The following ATP10A variants were observed in gnomAD, a reference collection of about 807,000 sequenced individuals.
ATP10A encodes the protein phospholipid-transporting ATPase VA.
Under a neutral mutation model 147.8 loss-of-function variants are expected in ATP10A, and 111 were observed. The ratio of observed to expected loss-of-function variants is 0.75; its 90% CI spans 0.64 to 0.88. The LOEUF is 0.88. Ranked by LOEUF, ATP10A falls within the 40% of genes least tolerant of loss-of-function variation. The probability of loss-of-function intolerance (pLI) is 0.00; values close to 1 mark genes in which losing one functional copy is unlikely to be tolerated. For synonymous variants in ATP10A, 875 were observed against 841.6 expected, an observed-to-expected ratio of 1.04 and a Z score of -0.69; for missense variants, 1,927 against 1,959.0, an observed-to-expected ratio of 0.98 and a Z score of 0.31.
chr15:25,725,160 T>C (rs1431926215), intron 5 of ATP10A, among the ~76,000 whole-genome samples: 1 of 152,106 alleles, frequency 6.6e-6, no homozygotes, highest in African/African-American at 2.4e-5. Flanking sequence ...CTATTGTGAA[T>C]TGTGCATGGG....
At chr15:25,806,163 C>T (rs908462430) in intron 1 of ATP10A, among the ~76,000 whole-genome samples, 4 of 152,068 alleles carry the variant, frequency 2.6e-5, no homozygotes, top group African/African-American at 4.8e-5. Flanking sequence ...CCTCCCCTTC[C>T]ACCTCCTCCA....
At chr15:25,738,284 CA>C (rs1049848649) in intron 2 of ATP10A, among the ~76,000 whole-genome samples, 13 of 152,138 alleles carry the variant, frequency 8.5e-5, no homozygotes, top group African/African-American at 2.7e-4. Context: ...GGAGCATGGA[CA>C]AAAGTAGAGG....
intron 2 of ATP10A, among the ~76,000 whole-genome samples, chr15:25,776,341 G>A (rs1396010866): frequency 6.6e-6 from 1 of 152,164 alleles, no homozygotes; most frequent in Non-Finnish European, 1.5e-5. Flanking sequence ...GGTGGGGGAG[G>A]GGAGGCACCT....
chr15:25,702,248 G>C (rs1449012995), intron 12 of ATP10A, 148 bp from the exon 13 acceptor site: 2 of 772,288 alleles, frequency 2.6e-6, no homozygotes, highest in East Asian at 5.5e-5. Flanking sequence ...TGGGCTGCCA[G>C]TTGTCTGCCA....
chr15:25,794,428 T>G (rs1294397995), intron 1 of ATP10A, among the ~76,000 whole-genome samples: 2 of 152,246 alleles, frequency 1.3e-5, no homozygotes, highest in African/African-American at 4.8e-5. Flanking sequence ...ATAACATATT[T>G]ACTGCAAATA....
At chr15:25,715,776 C>A (rs974352429) in intron 9 of ATP10A, among the ~76,000 whole-genome samples, 1 of 152,190 alleles carries the variant, frequency 6.6e-6, no homozygotes, top group Non-Finnish European at 1.5e-5. Flanking sequence ...ACCTTGTTCA[C>A]CCCACATCGC....
At chr15:25,799,169 A>G (rs1004632282) in intron 1 of ATP10A, among the ~76,000 whole-genome samples, 11 of 152,200 alleles carry the variant, frequency 7.2e-5, no homozygotes, top group Non-Finnish European at 1.3e-4. Flanking sequence ...TCAAAAAACA[A>G]TGATCCTTCG....
intron 9 of ATP10A, among the ~76,000 whole-genome samples, chr15:25,714,601 G>A (rs376926135): frequency 5.3e-5 from 8 of 152,122 alleles, no homozygotes; most frequent in East Asian, 1.9e-4. Flanking sequence ...CGTGATTGCC[G>A]AGGGCCCATC....
At chr15:25,805,103 G>C (rs1365970242) in intron 1 of ATP10A, among the ~76,000 whole-genome samples, 1 of 152,238 alleles carries the variant, frequency 6.6e-6, no homozygotes, top group Non-Finnish European at 1.5e-5. Flanking sequence ...GGAGAAGCCA[G>C]TCCAGCATCC....
At chr15:25,805,455 C>T (rs1891139963) in intron 1 of ATP10A, among the ~76,000 whole-genome samples, 2 of 152,292 alleles carry the variant, frequency 1.3e-5, no homozygotes, top group South Asian at 2.1e-4. Context: ...ACTTTACACG[C>T]GTCCTTATTT....
At chr15:25,823,135 G>A (rs1891959530) in intron 1 of ATP10A, among the ~76,000 whole-genome samples, 1 of 152,034 alleles carries the variant, frequency 6.6e-6, no homozygotes, top group Non-Finnish European at 1.5e-5. Flanking sequence ...TGGGGTTTGG[G>A]CTTGGAAAGC....
At chr15:25,676,598 G>A (rs1055198030), downstream of ATP10A, among the ~76,000 whole-genome samples, 2 of 152,134 alleles carry the variant, frequency 1.3e-5, no homozygotes, top group Non-Finnish European at 2.9e-5. Flanking sequence ...GTAAATTTGA[G>A]TTTCACGTAT....
At chr15:25,809,870 C>A (rs1444442798) in intron 1 of ATP10A, among the ~76,000 whole-genome samples, 3 of 152,190 alleles carry the variant, frequency 2.0e-5, no homozygotes, top group Non-Finnish European at 2.9e-5. Flanking sequence ...CCACCTTGGA[C>A]CGCTGCTGCC....
Position 25,716,892 on chromosome 15 carries a change from C to T in ATP10A, c.1614G>A (p.Leu538=). The change falls in exon 9 of 21, where the codon CTG becomes CTA. Residue 538 remains leucine (L), a synonymous_variant. Coordinates refer to ENST00000555815, the MANE Select transcript of ATP10A (RefSeq NM_024490.4). ...TCTTGTCACACTCACTCACCTTCTC[C>T]AGCAGCTTTGGGTCGGGCGTGATAT... The part of the protein sequence containing the change: ...EKDITPDPKL[L]EKVSECDKSL... The T allele has an allele frequency of 6.3e-7, 1 of 1,599,314 alleles. No homozygotes were observed. The highest frequency in any genetic ancestry group is 8.5e-7 in the Non-Finnish European group (1 of 1,172,356).
chr15:25,768,860 G>A (rs1479050371), intron 2 of ATP10A, among the ~76,000 whole-genome samples: 2 of 151,894 alleles, frequency 1.3e-5, no homozygotes, highest in Non-Finnish European at 2.9e-5. Flanking sequence ...TGTAAAACAA[G>A]TCTGGATTAC....
chr15:25,734,268 C>T (rs958177132), intron 3 of ATP10A, among the ~76,000 whole-genome samples: 1 of 152,236 alleles, frequency 6.6e-6, no homozygotes, highest in Non-Finnish European at 1.5e-5. Flanking sequence ...GCTGTGCCTC[C>T]ACTGCCAGGC....
intron 1 of ATP10A, among the ~76,000 whole-genome samples, chr15:25,795,837 C>T (rs1338681638): frequency 2.0e-5 from 3 of 152,084 alleles, no homozygotes. Context: ...GTGGATCCCA[C>T]ATGGATAGAT....
At chr15:25,763,928 G>A (rs921760770) in intron 2 of ATP10A, among the ~76,000 whole-genome samples, 8 of 152,314 alleles carry the variant, frequency 5.3e-5, no homozygotes, top group Non-Finnish European at 7.3e-5. Context: ...GATTAGTGAA[G>A]TATGAAAATA....
At chr15:25,727,017 A>C (rs1902612533) in intron 4 of ATP10A, 143 bp downstream of exon 4, 2 of 585,740 alleles carry the variant, frequency 3.4e-6, no homozygotes, top group African/African-American at 1.9e-5. Flanking sequence ...AGATCGCGCC[A>C]CTGCACTCCA....
Sources: gnomAD v4.1 joint callset for allele counts (sites outside exome capture counted in the v4.1 genomes callset) on GRCh38, gnomAD v4.1.1 for gene constraint, MANE v1.5 for transcripts, NCBI Gene and HGNC (gene_info 2026-07-23, HGNC 2026-07-21) for gene names.